Variants in C8A observed in about 807,000 individuals in gnomAD.
C8A encodes the protein complement C8 alpha chain.
C8A carries 67 observed loss-of-function variants against 65.3 expected under a neutral mutation model. That is an observed-to-expected ratio of 1.03 (90% CI 0.84 to 1.26). The LOEUF is 1.26. Among genes scored for constraint, C8A ranks in the 50% most tolerant of loss-of-function variants. The probability of loss-of-function intolerance (pLI) is 0.00; values close to 1 mark genes in which losing one functional copy is unlikely to be tolerated. For missense variants in C8A, 781 were observed against 723.9 expected (o/e 1.08, Z -0.90); for synonymous variants, 290 against 259.4 (o/e 1.12, Z -1.13).
chr1:56,899,329 G>T (rs1474926316), intron 7 of C8A, among the ~76,000 whole-genome samples: 1 of 152,146 alleles, frequency 6.6e-6, no homozygotes, highest in African/African-American at 2.4e-5. Context: ...CCCATAGGCG[G>T]TATAATATGG....
At chr1:56,878,233 C>T (rs2101224132) in intron 4 of C8A, among the ~76,000 whole-genome samples, 1 of 152,210 alleles carries the variant, frequency 6.6e-6, no homozygotes, top group East Asian at 1.9e-4. Context: ...GCTTAATTAC[C>T]CCATTAAGGA....
At chr1:56,917,447 A>C (rs1644561425) in intron 10 of C8A, 118 bp from the exon 11 acceptor site, 6 of 969,724 alleles carry the variant, frequency 6.2e-6, no homozygotes, top group Non-Finnish European at 9.9e-6. Context: ...CGACCAGAGG[A>C]GGGGAGGCCA....
intron 7 of C8A, among the ~76,000 whole-genome samples, chr1:56,902,723 A>G (rs939467419): frequency 6.6e-6 from 1 of 152,194 alleles, no homozygotes; most frequent in Admixed American, 6.5e-5. Context: ...TATATCTAAT[A>G]TAAGTGGAAT....
intron 7 of C8A, among the ~76,000 whole-genome samples, chr1:56,894,058 G>T (rs1644369537): frequency 1.3e-5 from 2 of 152,092 alleles, no homozygotes; most frequent in African/African-American, 4.8e-5. Flanking sequence ...TACAGTGTAG[G>T]TGTTATTATT....
At position 56,912,572 on chromosome 1, in the gene C8A, G is replaced by A. The variant is rs1480094505; in HGVS notation, c.1550G>A (p.Cys517Tyr). 1 of 1,614,114 alleles carries A rather than the reference G, an allele frequency of 6.2e-7. No homozygotes were observed. Among genetic ancestry groups the A allele is most frequent in the African/African-American group, 1.3e-5 (1 of 74,938 alleles). Residue 517 changes from cysteine (C) to tyrosine (Y), a missense_variant, in exon 10 of 11, where the codon TGC becomes TAC. Cys to Tyr is a radical substitution (Grantham distance 194, BLOSUM62 -2). Coordinates refer to ENST00000361249, the MANE Select transcript of C8A (RefSeq NM_000562.3). Reference sequence around the variant, plus strand: ...ATCCTCGAGGGCACCAGCTGCAGGTGCCAGTGCCGCCTGGGTAGCTTGGGT... The same window carrying A: ...ATCCTCGAGGGCACCAGCTGCAGGTACCAGTGCCGCCTGGGTAGCTTGGGT... ...VPILEGTSCR[C>Y]QCRLGSLGAA...
At chr1:56,867,836 C>T in intron 2 of C8A, 134 bp downstream of exon 2, 1 of 727,346 alleles carries the variant, frequency 1.4e-6, no homozygotes, top group Non-Finnish European at 2.5e-6. Flanking sequence ...GTTTGAAATC[C>T]ATTATACATG....
chr1:56,873,738 C>T (rs1644170310), intron 2 of C8A, among the ~76,000 whole-genome samples: 1 of 152,154 alleles, frequency 6.6e-6, no homozygotes, highest in South Asian at 2.1e-4. Context: ...GAGAGAGGCA[C>T]CAGGAAATAC....
chr1:56,882,959 G>A (rs752166226), intron 5 of C8A, among the ~76,000 whole-genome samples: 10 of 152,080 alleles, frequency 6.6e-5, no homozygotes, highest in Non-Finnish European at 1.3e-4. Context: ...GGCTCATAAG[G>A]CTTACTTCTT....
intron 2 of C8A, 138 bp from the exon 3 acceptor site, chr1:56,874,811 C>A: frequency 2.1e-6 from 2 of 932,778 alleles, no homozygotes; most frequent in South Asian, 2.8e-5. Flanking sequence ...CATATTCATC[C>A]CTCAAAAGAC....
chr1:56,896,650 A>G (rs1028275862), intron 7 of C8A, among the ~76,000 whole-genome samples: 5 of 152,162 alleles, frequency 3.3e-5, no homozygotes, highest in South Asian at 4.1e-4. Flanking sequence ...ACCCAGAATA[A>G]TGTTTGATCA....
intron 7 of C8A, among the ~76,000 whole-genome samples, chr1:56,899,492 G>A (rs1446350438): frequency 6.6e-6 from 1 of 152,104 alleles, no homozygotes; most frequent in African/African-American, 2.4e-5. Context: ...CATTCCTATT[G>A]TGGCATGATG....
At chr1:56,885,424 T>TTACG (rs1329494753) in intron 6 of C8A, among the ~76,000 whole-genome samples, 1 of 90,092 alleles carries the variant, frequency 1.1e-5, no homozygotes. Flanking sequence ...AAATATATAT[T>TTACG]TAAATATATA....
Position 56,877,229 on chromosome 1 carries a change from T to C in C8A, c.464+1020T>C, listed in dbSNP as rs542152362. On this transcript the variant is annotated intron_variant, in intron 4 of 10. Coordinates refer to ENST00000361249, the MANE Select transcript of C8A (RefSeq NM_000562.3). ...CTCCAGAACCATGAGAAAATAAACT[T>C]CTGTTGTGTAGGGCACCTAGTCTAT... 2.0e-5 allele frequency among the ~76,000 whole-genome samples: 3 copies of C among 152,178 alleles called. No homozygotes were observed. The South Asian group carries it at 6.2e-4, about 32-fold the overall frequency.
intron 1 of C8A, among the ~76,000 whole-genome samples, chr1:56,857,504 A>G (rs1643988851): frequency 6.6e-6 from 1 of 151,894 alleles, no homozygotes. Flanking sequence ...CTATTATTTT[A>G]TTTTAACTTA....
chr1:56,906,614 C>T, intron 7 of C8A, 53 bp from the exon 8 acceptor site: 1 of 1,609,030 alleles, frequency 6.2e-7, no homozygotes, highest in East Asian at 2.2e-5. Context: ...TGTACCATGT[C>T]AAGTGTCTTT....
rs1644298169 is a variant in C8A at position 56,886,105 on chromosome 1, G to T, written c.1034G>T (p.Gly345Val). The T allele has an allele frequency of 1.2e-6, 2 of 1,613,990 alleles. No homozygotes were observed. Among genetic ancestry groups the T allele is most frequent in the Non-Finnish European group, 1.7e-6 (2 of 1,179,906 alleles). Residue 345 changes from glycine to valine, a missense_variant, in exon 7 of 11, where the codon GGA becomes GTA. Coordinates refer to ENST00000361249, the MANE Select transcript of C8A (RefSeq NM_000562.3). ...TATGGCACCCATTACATCACATCTG[G>T]ATCCATGGGTGGCATTTATGAATAT... ...NDYGTHYITS[G>V]SMGGIYEYIL...
intron 1 of C8A, among the ~76,000 whole-genome samples, chr1:56,867,188 ATAGATGGGAAAGCTG>A (rs1296950446): frequency 3.3e-5 from 5 of 152,154 alleles, no homozygotes; most frequent in Non-Finnish European, 7.4e-5. Context: ...ATGTAGTTTT[ATAGATGGGAAAGCTG>A]TAGTTCAGAG....
chr1:56,868,152 G>A (rs1570317297), intron 2 of C8A, among the ~76,000 whole-genome samples: 1 of 151,956 alleles, frequency 6.6e-6, no homozygotes. Context: ...CCAATGAAGA[G>A]AGGTGTGTTT....
At chr1:56,908,345 C>T (rs1177650466) in intron 9 of C8A, among the ~76,000 whole-genome samples, 1 of 152,192 alleles carries the variant, frequency 6.6e-6, no homozygotes, top group African/African-American at 2.4e-5. Flanking sequence ...CCTAGTTTTA[C>T]ACTGCTCATC....
Sources: gnomAD v4.1 joint callset for allele counts (sites outside exome capture counted in the v4.1 genomes callset) on GRCh38, gnomAD v4.1.1 for gene constraint, MANE v1.5 for transcripts, NCBI Gene and HGNC (gene_info 2026-07-23, HGNC 2026-07-21) for gene names.